The following FANCA variants were observed in gnomAD, a reference collection of about 807,000 sequenced individuals.
FANCA encodes the protein Fanconi anemia group A protein.
FANCA carries 236 observed loss-of-function variants against 194.3 expected under a neutral mutation model. The ratio of observed to expected loss-of-function variants is 1.21; its 90% CI spans 1.09 to 1.35. The LOEUF is 1.35. FANCA is among the 40% of genes most tolerant of loss of function. The probability of loss-of-function intolerance (pLI) is 0.00; values close to 1 mark genes in which losing one functional copy is unlikely to be tolerated. For missense variants in FANCA, 2,628 were observed against 1,813.9 expected (o/e 1.45, Z -8.15); for synonymous variants, 1,014 against 715.8 (o/e 1.42, Z -6.65).
At chr16:89,751,371 G>A (rs2099160069) in intron 31 of FANCA, among the ~76,000 whole-genome samples, 3 of 152,254 alleles carry the variant, frequency 2.0e-5, no homozygotes, top group South Asian at 4.1e-4. Context: ...GCACACAGGT[G>A]CACGCTGTCA....
intron 12 of FANCA, 143 bp from the exon 13 acceptor site, chr16:89,792,211 C>T: frequency 1.9e-6 from 2 of 1,039,360 alleles, no homozygotes; most frequent in Admixed American, 1.8e-5. Context: ...TGACAGCTCA[C>T]ACCGTGGCGT....
chr16:89,792,280 A>T (rs922423018), intron 12 of FANCA, among the ~76,000 whole-genome samples, 191 bp downstream of exon 12: 6 of 152,110 alleles, frequency 3.9e-5, no homozygotes, highest in Admixed American at 1.3e-4. Context: ...CTCAAGGAGG[A>T]GGGGCTCGGC....
At chr16:89,764,799 T>G (rs777186577) in intron 28 of FANCA, 91 bp downstream of exon 28, 2 of 1,441,034 alleles carry the variant, frequency 1.4e-6, no homozygotes, top group Non-Finnish European at 9.8e-7. Flanking sequence ...GAAGGAACGG[T>G]CACCTACGTG....
At chr16:89,746,008 C>T (rs2143099517) in intron 35 of FANCA, among the ~76,000 whole-genome samples, 1 of 152,276 alleles carries the variant, frequency 6.6e-6, no homozygotes. Context: ...CCCTCCTGTC[C>T]CTGATGACCG....
intron 38 of FANCA, 111 bp from the exon 39 acceptor site, chr16:89,740,210 T>C: frequency 5.5e-6 from 5 of 906,738 alleles, no homozygotes; most frequent in Non-Finnish European, 9.3e-6. Context: ...TTATTGTAAG[T>C]CTTAAAACTG....
intron 11 of FANCA, among the ~76,000 whole-genome samples, chr16:89,794,425 C>G (rs2040175192): frequency 1.3e-5 from 2 of 151,162 alleles, no homozygotes. Context: ...TGGCAGGCGC[C>G]TGTAATTCAA....
intron 5 of FANCA, among the ~76,000 whole-genome samples, chr16:89,809,540 C>G (rs1033596675): frequency 7.9e-5 from 12 of 151,942 alleles, no homozygotes; most frequent in African/African-American, 2.9e-4. Flanking sequence ...ATGGTGAAAC[C>G]TCATCTCTAC....
intron 26 of FANCA, 21 bp downstream of exon 26, chr16:89,769,816 G>C (rs554492836): frequency 2.5e-6 from 4 of 1,613,314 alleles, no homozygotes; most frequent in African/African-American, 2.7e-5. Context: ...GAGAAGACGC[G>C]ACTGTGGAAG....
At chr16:89,760,064 A>T (rs896956796) in intron 29 of FANCA, among the ~76,000 whole-genome samples, 1 of 152,270 alleles carries the variant, frequency 6.6e-6, no homozygotes, top group Non-Finnish European at 1.5e-5. Flanking sequence ...CACAGAATGT[A>T]TCTAAGTATC....
chr16:89,767,689 C>G (rs2039178051), intron 26 of FANCA, among the ~76,000 whole-genome samples: 1 of 152,178 alleles, frequency 6.6e-6, no homozygotes, highest in South Asian at 2.1e-4. Flanking sequence ...GCTGGGACTA[C>G]AGGTGCCAGC....
chr16:89,769,672 A>G, intron 26 of FANCA, 165 bp downstream of exon 26: 1 of 760,524 alleles, frequency 1.3e-6, no homozygotes, highest in Non-Finnish European at 2.2e-6. Flanking sequence ...GCATATTATA[A>G]ACAAATGACA....
intron 12 of FANCA, 81 bp from the exon 13 acceptor site, chr16:89,792,149 G>C (rs2040098035): frequency 1.3e-6 from 2 of 1,553,184 alleles, no homozygotes; most frequent in African/African-American, 1.4e-5. Flanking sequence ...CTCCCAGCCG[G>C]TGGCCACCGC....
At chr16:89,794,521 G>C (rs2040178992) in intron 11 of FANCA, among the ~76,000 whole-genome samples, 1 of 152,194 alleles carries the variant, frequency 6.6e-6, no homozygotes, top group Non-Finnish European at 1.5e-5. Context: ...GGGCAACAGA[G>C]TAAGACTCTG....
chr16:89,761,373 C>A (rs577079629), intron 29 of FANCA, among the ~76,000 whole-genome samples: 1 of 147,206 alleles, frequency 6.8e-6, no homozygotes, highest in Non-Finnish European at 1.5e-5. Context: ...GAGCCGAGAT[C>A]GCGCCACTGC....
chr16:89,792,667 T>A, intron 11 of FANCA, 120 bp from the exon 12 acceptor site: 2 of 784,374 alleles, frequency 2.5e-6, no homozygotes, highest in Non-Finnish European at 4.4e-6. Context: ...CGAGAGAGTG[T>A]AGAAAGAAAG....
At chr16:89,756,245 A>G (rs566431958) in intron 30 of FANCA, among the ~76,000 whole-genome samples, 4 of 152,264 alleles carry the variant, frequency 2.6e-5, no homozygotes, top group Non-Finnish European at 5.9e-5. Context: ...ATGGCCAATA[A>G]GAAAATGGAA....
chr16:89,739,258 T>TG lies in FANCA; in HGVS notation c.4041dup (p.Ile1348HisfsTer77). 6.2e-7 allele frequency: 1 copy of TG among 1,614,156 alleles called. No individual in the cohort carries two copies. The highest frequency in any genetic ancestry group is 2.2e-5 in the East Asian group (1 of 44,892). ...ACATGCAGGAAGGCCTCTTCCCTGATGGCCGCGTCTTCATGGAAGTAGGAG... is the reference window on the plus strand; with the variant it reads ...ACATGCAGGAAGGCCTCTTCCCTGATGGGCCGCGTCTTCATGGAAGTAGGAG... On this transcript the variant is annotated frameshift_variant, in exon 41 of 43. Coordinates refer to ENST00000389301, the MANE Select transcript of FANCA (RefSeq NM_000135.4). LOFTEE classifies it high-confidence loss of function.
chr16:89,786,904 T>C (rs913900776), intron 14 of FANCA, among the ~76,000 whole-genome samples: 9 of 152,178 alleles, frequency 5.9e-5, no homozygotes, highest in Admixed American at 1.3e-4. Context: ...CCATGTCTTA[T>C]CACCCTCCAT....
At chr16:89,776,010 T>C (rs1250210851) in intron 20 of FANCA, among the ~76,000 whole-genome samples, 195 bp from the exon 21 acceptor site, 1 of 151,710 alleles carries the variant, frequency 6.6e-6, no homozygotes, top group African/African-American at 2.4e-5. Context: ...TTTCAAAATA[T>C]ATCATATTAA....
Sources: allele counts gnomAD v4.1 joint callset (sites outside exome capture counted in the v4.1 genomes callset), GRCh38; gene constraint gnomAD v4.1.1; transcripts MANE v1.5; gene names NCBI Gene and HGNC (gene_info 2026-07-23, HGNC 2026-07-21).